COMMD1: variants seen among roughly 807,000 people sequenced by gnomAD.
COMMD1 encodes the protein COMM domain-containing protein 1.
COMMD1 carries 10 observed loss-of-function variants against 17.2 expected under a neutral mutation model. The observed-to-expected ratio is 0.58, with a 90% CI of 0.36 to 0.99. COMMD1 has a LOEUF of 0.99. Among genes scored for constraint, COMMD1 ranks in the 50% least tolerant of loss-of-function variants. COMMD1 has a pLI of 0.01. For missense variants in COMMD1, 270 were observed against 231.8 expected (o/e 1.17, Z -1.07); for synonymous variants, 97 against 91.6 (o/e 1.06, Z -0.34).
At chr2:61,892,771 G>T (rs1338507682) in intron 1 of COMMD1, among the ~76,000 whole-genome samples, 1 of 151,508 alleles carries the variant, frequency 6.6e-6, no homozygotes, top group Non-Finnish European at 1.5e-5. Flanking sequence ...CCAATTCAAA[G>T]ACAGTGTTTG....
chr2:61,921,993 A>G (rs140718683), intron 1 of COMMD1, among the ~76,000 whole-genome samples: 53 of 152,318 alleles, frequency 3.5e-4, no homozygotes, highest in African/African-American at 1.0e-3. Context: ...TGTATTCTGT[A>G]GAATATTTTG....
At chr2:61,978,965 A>G (rs1671879552) in intron 1 of COMMD1, among the ~76,000 whole-genome samples, 1 of 152,200 alleles carries the variant, frequency 6.6e-6, no homozygotes, top group East Asian at 1.9e-4. Context: ...GTTAGAAACA[A>G]TCAATTACAC....
At chr2:61,910,086 C>T (rs749383660) in intron 1 of COMMD1, among the ~76,000 whole-genome samples, 14 of 152,048 alleles carry the variant, frequency 9.2e-5, no homozygotes, top group Non-Finnish European at 4.4e-5. Flanking sequence ...TGTAGATATG[C>T]GAAGCTGGCC....
intron 2 of COMMD1, among the ~76,000 whole-genome samples, chr2:62,078,874 C>A (rs1428441509): frequency 6.8e-6 from 1 of 146,480 alleles, no homozygotes; most frequent in Non-Finnish European, 1.5e-5. Context: ...GAGACTCCAT[C>A]TCAGAAAAAA....
intron 1 of COMMD1, among the ~76,000 whole-genome samples, chr2:61,967,497 T>A (rs970177865): frequency 1.3e-5 from 2 of 152,234 alleles, no homozygotes; most frequent in African/African-American, 4.8e-5. Context: ...CCAAGGATGT[T>A]GAGCTCTTGT....
rs575135633 is a variant in COMMD1, at chr2:61,898,401, G to C, written n.119+9559G>C. Among the ~76,000 whole-genome samples, 7 of 152,312 alleles carry C rather than the reference G, an allele frequency of 4.6e-5. No homozygotes were observed. The East Asian group carries it at 1.4e-3, about 29-fold the overall frequency. On this transcript the variant is annotated intron_variant and non_coding_transcript_variant, in intron 1 of 2. Coordinates refer to the COMMD1 transcript ENST00000472729. Reference sequence around the variant, plus strand: ...TGAGGCAGAAGGATAGCTTGAGCCAGGGAGGTTGGGTTTGCAGTAAGCTGG... The same window carrying C: ...TGAGGCAGAAGGATAGCTTGAGCCACGGAGGTTGGGTTTGCAGTAAGCTGG...
intron 2 of COMMD1, among the ~76,000 whole-genome samples, chr2:62,014,251 T>C (rs1188629701): frequency 6.6e-6 from 1 of 152,130 alleles, no homozygotes; most frequent in Middle Eastern, 3.2e-3. Context: ...ACAGATGGGG[T>C]GCTTGAGAGG....
intron 1 of COMMD1, among the ~76,000 whole-genome samples, chr2:61,986,883 G>C (rs746643978): frequency 5.3e-5 from 8 of 151,630 alleles, no homozygotes; most frequent in Non-Finnish European, 1.2e-4. Context: ...TTTCTTTTTT[G>C]TTTCCTTTGA....
chr2:62,013,755 A>G (rs1248855284), intron 2 of COMMD1, among the ~76,000 whole-genome samples: 2 of 152,236 alleles, frequency 1.3e-5, no homozygotes, highest in East Asian at 3.8e-4. Context: ...TTGTAAGACT[A>G]TGTTAGCATA....
intron 2 of COMMD1, among the ~76,000 whole-genome samples, chr2:62,002,031 A>AGGTG (rs1265771695): frequency 2.6e-5 from 4 of 152,102 alleles, no homozygotes; most frequent in Non-Finnish European, 5.9e-5. Flanking sequence ...TTAGCTGGGC[A>AGGTG]TGGTGGCACA....
At chr2:61,930,403 A>G (rs2105207280) in intron 1 of COMMD1, among the ~76,000 whole-genome samples, 1 of 152,128 alleles carries the variant, frequency 6.6e-6, no homozygotes, top group Non-Finnish European at 1.5e-5. Context: ...TAAAAATACA[A>G]AAATTAGCCA....
intron 1 of COMMD1, among the ~76,000 whole-genome samples, chr2:61,912,930 T>A (rs542275569): frequency 6.6e-6 from 1 of 152,332 alleles, no homozygotes; most frequent in Non-Finnish European, 1.5e-5. Context: ...GGCACAGGCC[T>A]GCAGTAGCAG....
rs181770941 is a variant in COMMD1 at position 62,021,235 on chromosome 2, G to A, written c.462+20253G>A. ...CATTTTTTGTTTTAGTATTTTTTGC[G>A]TGTGAGAGACTGGGAATCTTCAAAA... is the stretch of plus-strand genomic sequence containing the variant. On this transcript the variant is annotated intron_variant, in intron 2 of 2. Coordinates refer to ENST00000311832, the MANE Select transcript of COMMD1 (RefSeq NM_152516.4). Among the ~76,000 whole-genome samples, 430 of 152,248 alleles carry A rather than the reference G, an allele frequency of 2.8e-3. 1 individual carries two copies. Among genetic ancestry groups the A allele is most frequent in the Non-Finnish European group, 4.9e-3 (335 of 68,004 alleles).
intron 1 of COMMD1, among the ~76,000 whole-genome samples, chr2:61,978,026 G>A (rs1214891040): frequency 1.3e-5 from 2 of 151,560 alleles, no homozygotes; most frequent in African/African-American, 2.4e-5. Flanking sequence ...CAGGCATGGT[G>A]GATCATTCCA....
intron 1 of COMMD1, among the ~76,000 whole-genome samples, chr2:61,919,081 G>T (rs982617378): frequency 6.6e-6 from 1 of 151,178 alleles, no homozygotes; most frequent in South Asian, 2.1e-4. Context: ...GTGTGATCTC[G>T]GCTCACCGAA....
intron 2 of COMMD1, among the ~76,000 whole-genome samples, chr2:62,084,025 A>G (rs1327908709): frequency 6.6e-6 from 1 of 152,222 alleles, no homozygotes; most frequent in Non-Finnish European, 1.5e-5. Context: ...TCTCCTAAAT[A>G]AAGCAATTCT....
At chr2:62,089,297 CT>C (rs921838806) in intron 2 of COMMD1, among the ~76,000 whole-genome samples, 3 of 87,152 alleles carry the variant, frequency 3.4e-5, no homozygotes, top group African/African-American at 7.5e-5. Flanking sequence ...TTTTTTTTTT[CT>C]TTTTTTCAGT....
intron 2 of COMMD1, among the ~76,000 whole-genome samples, chr2:62,107,828 T>C (rs1336415044): frequency 6.6e-6 from 1 of 152,198 alleles, no homozygotes; most frequent in Non-Finnish European, 1.5e-5. Flanking sequence ...CAGTAACATA[T>C]AACCCTTGAC....
intron 2 of COMMD1, among the ~76,000 whole-genome samples, chr2:62,091,394 C>CTTTAGTTT (rs1671824677): frequency 6.6e-6 from 1 of 152,224 alleles, no homozygotes; most frequent in South Asian, 2.1e-4. Flanking sequence ...TGAGGTCACA[C>CTTTAGTTT]TTTAGTTTTT....
Sources: allele counts gnomAD v4.1 joint callset (sites outside exome capture counted in the v4.1 genomes callset), GRCh38; gene constraint gnomAD v4.1.1; transcripts MANE v1.5; gene names NCBI Gene and HGNC (gene_info 2026-07-23, HGNC 2026-07-21).